Variants in ARSB observed in about 807,000 individuals in gnomAD.
The protein encoded by ARSB is arylsulfatase B, also known as N-acetylgalactosamine-4-sulfatase.
Under a neutral mutation model 50.9 loss-of-function variants are expected in ARSB, and 41 were observed. The ratio of observed to expected loss-of-function variants is 0.81; its 90% CI spans 0.63 to 1.04. The LOEUF is 1.04. Ranked by LOEUF, ARSB falls within the 50% of genes least tolerant of loss-of-function variation. The probability of loss-of-function intolerance (pLI) is 0.00; values close to 1 mark genes in which losing one functional copy is unlikely to be tolerated. For synonymous variants in ARSB, 269 were observed against 284.8 expected, an observed-to-expected ratio of 0.94 and a Z score of 0.56; for missense variants, 672 against 693.3, an observed-to-expected ratio of 0.97 and a Z score of 0.35.
intron 1 of ARSB, among the ~76,000 whole-genome samples, chr5:78,982,550 G>C (rs1752952655): frequency 1.3e-5 from 2 of 152,166 alleles, no homozygotes; most frequent in Non-Finnish European, 2.9e-5. Context: ...CACGTGCCCT[G>C]GGTCAAATCC....
At chr5:78,860,249 T>G (rs546644513) in intron 5 of ARSB, among the ~76,000 whole-genome samples, 2 of 152,296 alleles carry the variant, frequency 1.3e-5, no homozygotes, top group South Asian at 4.1e-4. Context: ...TATTATTGTG[T>G]GGGAGTCTAA....
chr5:78,962,496 T>A (rs1400382333), intron 3 of ARSB, among the ~76,000 whole-genome samples: 1 of 151,676 alleles, frequency 6.6e-6, no homozygotes, highest in Non-Finnish European at 1.5e-5. Context: ...GACACCTCTA[T>A]CTGTGTTTTC....
In ARSB at chr5:78,780,417, C is replaced by T; in HGVS notation, c.1582G>A (p.Val528Met). 6.2e-7 allele frequency: 1 copy of T among 1,614,122 alleles called. No individual in the cohort carries two copies. Among genetic ancestry groups the T allele is most frequent in the Non-Finnish European group, 8.5e-7 (1 of 1,180,028 alleles). Reference sequence around the variant, plus strand: ...AAATCCTACATCCAAGGGCCCCACACCCCAGTGGCCTTGGGATCACAGCGG... The same window carrying T: ...AAATCCTACATCCAAGGGCCCCACATCCCAGTGGCCTTGGGATCACAGCGG... ...DPRCDPKATGVWGPWM is the reference protein window; with the variant it reads ...DPRCDPKATGMWGPWM The change falls in exon 8 of 8, where the codon GTG becomes ATG. Residue 528 changes from valine (V) to methionine (M), a missense_variant. Val to Met is a conservative substitution (Grantham distance 21). Coordinates refer to ENST00000264914, the MANE Select transcript of ARSB (RefSeq NM_000046.5).
At chr5:78,966,751 A>G (rs1297629369) in intron 2 of ARSB, among the ~76,000 whole-genome samples, 2 of 152,174 alleles carry the variant, frequency 1.3e-5, no homozygotes. Flanking sequence ...TCTACAGCCC[A>G]TCCTCTTCCC....
At chr5:78,878,544 A>G (rs1747591874) in intron 5 of ARSB, among the ~76,000 whole-genome samples, 1 of 139,086 alleles carries the variant, frequency 7.2e-6, no homozygotes, top group African/African-American at 2.6e-5. Context: ...AGTATGTGGA[A>G]TGAAGTATCA....
intron 3 of ARSB, among the ~76,000 whole-genome samples, chr5:78,956,810 G>A (rs770371633): frequency 6.6e-6 from 1 of 152,184 alleles, no homozygotes. Context: ...ATTAACCGAA[G>A]AGCAATTTCC....
At chr5:78,900,879 A>C (rs1748771780) in intron 4 of ARSB, among the ~76,000 whole-genome samples, 1 of 152,080 alleles carries the variant, frequency 6.6e-6, no homozygotes, top group South Asian at 2.1e-4. Context: ...TCTACTAAAA[A>C]TACAAAAAAA....
Position 78,780,363 on chromosome 5 carries a change from T to G in ARSB, c.*34A>C. The G allele has an allele frequency of 6.2e-7, 1 of 1,612,700 alleles. No homozygotes were observed. Among genetic ancestry groups the G allele is most frequent in the Non-Finnish European group, 8.5e-7 (1 of 1,179,918 alleles). ...GTGAGAAAAGGCCTGAGGTCCAACTTCCAATTGAAAGGTTTTCTAGCCTCC... is the reference window on the plus strand; with the variant it reads ...GTGAGAAAAGGCCTGAGGTCCAACTGCCAATTGAAAGGTTTTCTAGCCTCC... On this transcript the variant is annotated 3_prime_UTR_variant, in exon 8 of 8. Transcript: ENST00000264914.
At chr5:78,942,203 A>T (rs994261181) in intron 4 of ARSB, among the ~76,000 whole-genome samples, 2 of 149,512 alleles carry the variant, frequency 1.3e-5, no homozygotes, top group African/African-American at 4.9e-5. Flanking sequence ...CTAGCGGTCT[A>T]TCAATTTTGT....
intron 1 of ARSB, among the ~76,000 whole-genome samples, chr5:78,975,126 T>G (rs1032378897): frequency 1.1e-4 from 16 of 152,132 alleles, no homozygotes; most frequent in Non-Finnish European, 7.4e-5. Context: ...CACTCTCCTG[T>G]GCCCCACTTC....
intron 5 of ARSB, among the ~76,000 whole-genome samples, chr5:78,840,185 T>A (rs1745141180): frequency 6.6e-6 from 1 of 152,224 alleles, no homozygotes; most frequent in Non-Finnish European, 1.5e-5. Context: ...GTCATTTTGC[T>A]AGTGTAGACT....
chr5:78,837,425 G>T (rs1422743021), intron 6 of ARSB, among the ~76,000 whole-genome samples: 1 of 152,154 alleles, frequency 6.6e-6, no homozygotes, highest in Non-Finnish European at 1.5e-5. Context: ...GTAGAGAAAA[G>T]TTTAGGAGTC....
At chr5:78,972,259 T>C (rs573655942) in intron 1 of ARSB, among the ~76,000 whole-genome samples, 3 of 152,280 alleles carry the variant, frequency 2.0e-5, no homozygotes, top group African/African-American at 7.2e-5. Flanking sequence ...TCTGCCTCTC[T>C]CCTTCTAGGT....
chr5:78,941,713 T>C (rs1340708478), intron 4 of ARSB, among the ~76,000 whole-genome samples: 1 of 152,188 alleles, frequency 6.6e-6, no homozygotes, highest in Non-Finnish European at 1.5e-5. Flanking sequence ...TTTGCATCAA[T>C]GTTCATCAAG....
At chr5:78,933,044 G>A (rs1333400923) in intron 4 of ARSB, among the ~76,000 whole-genome samples, 1 of 152,182 alleles carries the variant, frequency 6.6e-6, no homozygotes, top group Non-Finnish European at 1.5e-5. Context: ...CAAGTGGGTT[G>A]GATAGCTAGC....
intron 5 of ARSB, among the ~76,000 whole-genome samples, chr5:78,867,337 G>A (rs1746822325): frequency 6.6e-6 from 1 of 151,714 alleles, no homozygotes; most frequent in African/African-American, 2.4e-5. Context: ...AGGCCTGCCT[G>A]CCTCTGTAGG....
intron 5 of ARSB, among the ~76,000 whole-genome samples, chr5:78,867,182 C>T (rs1205237969): frequency 2.0e-5 from 3 of 152,298 alleles, no homozygotes; most frequent in Non-Finnish European, 2.9e-5. Flanking sequence ...CACGGAATCT[C>T]GCTGATTGCT....
At chr5:78,848,581 G>C (rs1337288203) in intron 5 of ARSB, among the ~76,000 whole-genome samples, 1 of 151,464 alleles carries the variant, frequency 6.6e-6, no homozygotes, top group African/African-American at 2.5e-5. Context: ...TATATACCCC[G>C]TAATGGGATG....
Position 78,793,602 on chromosome 5 carries a change from AAGTGTCTT to A in ARSB, c.1214-11636_1214-11629del, listed in dbSNP as rs1308049831. ...AGTAAGGAGACAGCAGAGAGCTGAG[AAGTGTCTT>A]GATCCTGTGGCCATGGTCCCCCCAA... On this transcript the variant is annotated intron_variant, in intron 6 of 7. Coordinates refer to ENST00000264914, the MANE Select transcript of ARSB (RefSeq NM_000046.5). Among the ~76,000 whole-genome samples, 9 of 152,158 alleles carry A rather than the reference AAGTGTCTT, an allele frequency of 5.9e-5. No homozygotes were observed. In the East Asian group the frequency reaches 1.7e-3, roughly 29 times the overall value.
Sources: gnomAD v4.1 joint callset for allele counts (sites outside exome capture counted in the v4.1 genomes callset) on GRCh38, gnomAD v4.1.1 for gene constraint, MANE v1.5 for transcripts, NCBI Gene and HGNC (gene_info 2026-07-23, HGNC 2026-07-21) for gene names.